Variants in DPP10 observed in about 807,000 individuals in gnomAD.
DPP10 encodes the protein inactive dipeptidyl peptidase 10.
A neutral mutation model predicts 120.9 loss-of-function variants in DPP10; 33 were observed. That is an observed-to-expected ratio of 0.27 (90% CI 0.21 to 0.37). The LOEUF is 0.37. DPP10 is among the 10% of genes least tolerant of loss of function. DPP10 has a pLI of 1.00. For missense variants in DPP10, 816 were observed against 942.8 expected (o/e 0.87, Z 1.76); for synonymous variants, 337 against 326.1 (o/e 1.03, Z -0.36).
At chr2:114,689,666 C>T (rs1699608217) in intron 1 of DPP10, among the ~76,000 whole-genome samples, 1 of 152,080 alleles carries the variant, frequency 6.6e-6, no homozygotes, top group Admixed American at 6.6e-5. Flanking sequence ...CCACTGTCTT[C>T]CACAATGATT....
intron 1 of DPP10, among the ~76,000 whole-genome samples, chr2:115,243,675 C>A (rs1280175937): frequency 6.6e-6 from 1 of 151,842 alleles, no homozygotes; most frequent in Non-Finnish European, 1.5e-5. Context: ...TCCAAGCAAC[C>A]AACAAGTATT....
At chr2:115,802,150 G>A (rs1293910464) in intron 19 of DPP10, among the ~76,000 whole-genome samples, 2 of 152,070 alleles carry the variant, frequency 1.3e-5, no homozygotes, top group Admixed American at 6.6e-5. Flanking sequence ...CTTCTTCCTG[G>A]TTTAGTCTTG....
intron 1 of DPP10, among the ~76,000 whole-genome samples, chr2:115,061,747 A>G (rs1706421772): frequency 6.6e-6 from 1 of 152,178 alleles, no homozygotes; most frequent in Non-Finnish European, 1.5e-5. Flanking sequence ...GCAGGTAATC[A>G]GCTAGGAAAA....
At chr2:115,839,231 T>A (rs1689836106) in intron 24 of DPP10, among the ~76,000 whole-genome samples, 1 of 152,214 alleles carries the variant, frequency 6.6e-6, no homozygotes, top group African/African-American at 2.4e-5. Context: ...GAAAAAGATC[T>A]TGACTATCTA....
At chr2:115,819,121 A>G (rs1285103467) in intron 21 of DPP10, among the ~76,000 whole-genome samples, 4 of 152,192 alleles carry the variant, frequency 2.6e-5, no homozygotes, top group African/African-American at 9.7e-5. Context: ...TGCTATACTG[A>G]TTCCCTGGAA....
At chr2:115,312,375 C>T (rs1046825139) in intron 2 of DPP10, among the ~76,000 whole-genome samples, 4 of 152,040 alleles carry the variant, frequency 2.6e-5, no homozygotes, top group South Asian at 2.1e-4. Context: ...ATGGCCTTTA[C>T]GGTGGGCTCA....
chr2:115,072,504 C>A (rs1707449162), intron 1 of DPP10, among the ~76,000 whole-genome samples: 1 of 152,116 alleles, frequency 6.6e-6, no homozygotes, highest in African/African-American at 2.4e-5. Context: ...TGCTATTCTG[C>A]CTTCTTTGTG....
intron 5 of DPP10, among the ~76,000 whole-genome samples, chr2:115,633,769 A>T (rs1005409405): frequency 4.0e-5 from 6 of 151,846 alleles, no homozygotes; most frequent in Admixed American, 2.0e-4. Flanking sequence ...CTTGGGGTTG[A>T]TCTTCTCATG....
chr2:114,823,226 G>GA (rs1265054041), intron 1 of DPP10, among the ~76,000 whole-genome samples: 6 of 152,116 alleles, frequency 3.9e-5, no homozygotes, highest in Non-Finnish European at 8.8e-5. Context: ...TGGGGGAAGG[G>GA]AACTCTTTGC....
chr2:115,803,800 G>A (rs546950582), intron 19 of DPP10, among the ~76,000 whole-genome samples: 44 of 152,222 alleles, frequency 2.9e-4, no homozygotes, highest in African/African-American at 1.0e-3. Context: ...CGAGAGATCC[G>A]CTGTTAGTCT....
At chr2:114,444,577 A>AG (rs1553442113) in intron 1 of DPP10, among the ~76,000 whole-genome samples, 1 of 107,734 alleles carries the variant, frequency 9.3e-6, no homozygotes, top group African/African-American at 3.3e-5. Flanking sequence ...ACTGTGGAAC[A>AG]GAAAAAAAAA....
intron 5 of DPP10, among the ~76,000 whole-genome samples, chr2:115,580,858 AT>A (rs1465175150): frequency 6.6e-6 from 1 of 151,940 alleles, no homozygotes; most frequent in Non-Finnish European, 1.5e-5. Context: ...AGGCCAAGAT[AT>A]TTTTCTATTG....
chr2:114,563,902 T>G (rs996732362), intron 1 of DPP10, among the ~76,000 whole-genome samples: 1 of 152,186 alleles, frequency 6.6e-6, no homozygotes, highest in Non-Finnish European at 1.5e-5. Flanking sequence ...TCTGCTCATC[T>G]GCCTCTTGCA....
intron 4 of DPP10, among the ~76,000 whole-genome samples, chr2:115,524,021 C>G (rs1483226719): frequency 2.6e-5 from 4 of 152,136 alleles, no homozygotes; most frequent in Admixed American, 2.6e-4. Flanking sequence ...CTTAGCATTG[C>G]CATATGGTGA....
At chr2:114,591,086 A>T (rs1249408570) in intron 1 of DPP10, among the ~76,000 whole-genome samples, 1 of 152,188 alleles carries the variant, frequency 6.6e-6, no homozygotes. Context: ...GTGAGGGGAC[A>T]TCCCATGCAG....
chr2:114,851,932 T>C (rs958694009), intron 1 of DPP10, among the ~76,000 whole-genome samples: 1 of 152,110 alleles, frequency 6.6e-6, no homozygotes. Flanking sequence ...GTTTTTTTCA[T>C]GAAAATCTGA....
chr2:114,512,211 T>A (rs138817952), intron 1 of DPP10, among the ~76,000 whole-genome samples: 1 of 152,342 alleles, frequency 6.6e-6, no homozygotes, highest in African/African-American at 2.4e-5. Flanking sequence ...TAGTGAACCC[T>A]GATGTTAGTT....
intron 25 of DPP10, 27 bp from the exon 26 acceptor site, chr2:115,842,183 GA>G (rs1690218624): frequency 1.3e-6 from 2 of 1,550,982 alleles, no homozygotes; most frequent in Non-Finnish European, 1.8e-6. Flanking sequence ...TGGATAATTT[GA>G]AATCTTCTTT....
chr2:115,536,234 T>G (rs2078827598), intron 5 of DPP10, among the ~76,000 whole-genome samples: 1 of 152,012 alleles, frequency 6.6e-6, no homozygotes, highest in African/African-American at 2.4e-5. Context: ...GTATGTAATA[T>G]TTTTTCCACT....
Sources: gnomAD v4.1 joint callset for allele counts (sites outside exome capture counted in the v4.1 genomes callset) on GRCh38, gnomAD v4.1.1 for gene constraint, MANE v1.5 for transcripts, NCBI Gene and HGNC (gene_info 2026-07-23, HGNC 2026-07-21) for gene names.